Variants in ZEB2 observed in about 807,000 individuals in gnomAD.
ZEB2 encodes zinc finger E-box-binding homeobox 2.
Under a neutral mutation model 99.9 loss-of-function variants are expected in ZEB2, and 6 were observed. The observed-to-expected ratio is 0.06, with a 90% CI of 0.03 to 0.12. The LOEUF is 0.12. Among genes scored for constraint, ZEB2 ranks in the 10% least tolerant of loss-of-function variants. ZEB2 has a pLI of 1.00. For missense variants in ZEB2, 969 were observed against 1,502.8 expected, an observed-to-expected ratio of 0.64 and a Z score of 5.87; for synonymous variants, 517 against 542.5, an observed-to-expected ratio of 0.95 and a Z score of 0.65.
At chr2:144,506,172 T>G (rs1429648004) in intron 2 of ZEB2, among the ~76,000 whole-genome samples, 2 of 152,190 alleles carry the variant, frequency 1.3e-5, no homozygotes, top group African/African-American at 4.8e-5. Flanking sequence ...AACAAGAATC[T>G]ACATTAATTC....
At position 144,399,037 on chromosome 2, in the gene ZEB2, G is replaced by C. The variant is rs1703270237; in HGVS notation, c.2150C>G (p.Pro717Arg). 1 of 1,614,112 alleles carries C rather than the reference G, an allele frequency of 6.2e-7. No homozygotes were observed. Among genetic ancestry groups the C allele is most frequent in the Admixed American group, 1.7e-5 (1 of 60,020 alleles). ...SLERSSKPLA[P>R]NSNPPTKDSL... The stretch of plus-strand genomic sequence containing the variant: ...GTCTTTTGTGGGAGGGTTACTGTTG[G>C]GAGCTAACGGCTTGGAGCTTCTTTC... The change falls in exon 8 of 10, where the codon CCC becomes CGC. Residue 717 changes from proline to arginine, a missense_variant. Around this residue, in one of 8 missense-constraint regions of ZEB2, gnomAD observed 346 missense variants for 460.0 expected, o/e 0.75. Coordinates refer to ENST00000627532, the MANE Select transcript of ZEB2 (RefSeq NM_014795.4). This position sits in a 1 kb window ranked among gnomAD's most constrained non-coding sequence, Gnocchi z 5.6.
chr2:144,442,959 G>C (rs551250269), intron 2 of ZEB2, among the ~76,000 whole-genome samples: 239 of 152,114 alleles, frequency 1.6e-3, no homozygotes, highest in African/African-American at 5.5e-3. Flanking sequence ...ACTTTTCAAA[G>C]AGTAAAATTT....
At chr2:144,416,499 T>C (rs1703542039) in intron 4 of ZEB2, among the ~76,000 whole-genome samples, 1 of 152,238 alleles carries the variant, frequency 6.6e-6, no homozygotes, top group Non-Finnish European at 1.5e-5. Context: ...ATTCCCTTAC[T>C]GCTGACTGAT....
intron 2 of ZEB2, among the ~76,000 whole-genome samples, chr2:144,476,820 G>C (rs1395461091): frequency 6.6e-6 from 1 of 152,142 alleles, no homozygotes; most frequent in African/African-American, 2.4e-5. Context: ...GAATGGGCAG[G>C]CATGGGGGTT....
chr2:144,517,533 A>G, intron 1 of ZEB2, 114 bp from the exon 2 acceptor site: 1 of 597,428 alleles, frequency 1.7e-6, no homozygotes, highest in South Asian at 1.5e-5. Context: ...GCGCCCCCCA[A>G]CGCCAAAGCG....
chr2:144,423,144 T>C (rs181166778), intron 4 of ZEB2, among the ~76,000 whole-genome samples: 5 of 152,352 alleles, frequency 3.3e-5, no homozygotes, highest in Admixed American at 3.3e-4. Context: ...TTTTTAAACC[T>C]TCTGAATAGA....
rs1177694396 is a variant in ZEB2, at chr2:144,520,107, G to T, written c.-238C>A. ...GAGGCAGGACCGTTATTCCTGCAGA[G>T]CAGGTTAGAACTGATCTCTTTCGGC... On this transcript the variant is annotated 5_prime_UTR_variant, in exon 1 of 10. Transcript: ENST00000627532. The T allele has an allele frequency of 2.2e-6, 1 of 454,540 alleles. No individual in the cohort carries two copies. The highest frequency in any genetic ancestry group is 1.6e-5 in the South Asian group (1 of 64,476). 28.2% of individuals were successfully genotyped at this position (454,540 alleles called of 1,614,324 possible). A position where few individuals can be genotyped will look rare whatever the true frequency, so the allele number is the denominator to read the frequency against.
At chr2:144,407,936 C>A (rs1703410206) in intron 4 of ZEB2, among the ~76,000 whole-genome samples, 1 of 152,078 alleles carries the variant, frequency 6.6e-6, no homozygotes, top group South Asian at 2.1e-4. Flanking sequence ...TGAATGTTTC[C>A]ATCAGAAATG....
At chr2:144,508,738 G>A (rs996866837) in intron 2 of ZEB2, among the ~76,000 whole-genome samples, 4 of 151,886 alleles carry the variant, frequency 2.6e-5, no homozygotes, top group Non-Finnish European at 5.9e-5. Context: ...GAAAAGATGC[G>A]AAGGCTGAGA....
intron 2 of ZEB2, among the ~76,000 whole-genome samples, chr2:144,492,604 C>T (rs980869787): frequency 2.0e-5 from 3 of 152,184 alleles, no homozygotes; most frequent in South Asian, 2.1e-4. Flanking sequence ...TACACTCTTC[C>T]GAGCACCCAC....
intron 9 of ZEB2, among the ~76,000 whole-genome samples, chr2:144,392,445 G>A (rs1354479506): frequency 6.6e-6 from 1 of 152,174 alleles, no homozygotes; most frequent in African/African-American, 2.4e-5. Context: ...GATATGCCTT[G>A]GTTATAGACA....
chr2:144,440,376 G>A (rs1296165021), intron 2 of ZEB2, among the ~76,000 whole-genome samples: 2 of 151,812 alleles, frequency 1.3e-5, no homozygotes, highest in African/African-American at 4.8e-5. Flanking sequence ...CTCAAAGGCA[G>A]TGGAGAAATT....
At chr2:144,457,859 C>A (rs1296651275) in intron 2 of ZEB2, among the ~76,000 whole-genome samples, 1 of 152,082 alleles carries the variant, frequency 6.6e-6, no homozygotes, top group Non-Finnish European at 1.5e-5. Context: ...CTAAATAACT[C>A]ACATAAGTAC....
At chr2:144,445,265 CTTTTT>C (rs11287771) in intron 2 of ZEB2, among the ~76,000 whole-genome samples, 111 of 74,210 alleles carry the variant, frequency 1.5e-3, no homozygotes, top group Non-Finnish European at 2.6e-3. Flanking sequence ...CTTTCCTCCT[CTTTTT>C]TTTTTTTTTT....
chr2:144,411,058 T>C (rs1202827021), intron 4 of ZEB2, among the ~76,000 whole-genome samples: 1 of 8,290 alleles, frequency 1.2e-4, no homozygotes, highest in African/African-American at 5.9e-4. Context: ...CAGACATGTC[T>C]ATATATATAT....
chr2:144,403,243 C>CA (rs1304850484), intron 6 of ZEB2, among the ~76,000 whole-genome samples: 1 of 152,074 alleles, frequency 6.6e-6, no homozygotes, highest in Non-Finnish European at 1.5e-5. Flanking sequence ...CTGTTGAAGA[C>CA]AGAGTTTTTA....
chr2:144,403,322 G>T (rs1462449997), intron 6 of ZEB2, among the ~76,000 whole-genome samples: 1 of 151,890 alleles, frequency 6.6e-6, no homozygotes, highest in Non-Finnish European at 1.5e-5. Context: ...GTATATTAAG[G>T]GATCATTTTT....
intron 2 of ZEB2, chr2:144,515,952 T>G (rs1705129563): frequency 6.6e-6 from 1 of 151,818 alleles, no homozygotes; most frequent in South Asian, 2.1e-4. Context: ...CGCGCACAAT[T>G]GTCTTCTCTA....
At chr2:144,498,959 T>C (rs1704830085) in intron 2 of ZEB2, among the ~76,000 whole-genome samples, 1 of 152,202 alleles carries the variant, frequency 6.6e-6, no homozygotes, top group African/African-American at 2.4e-5. Context: ...ACAGTATTTC[T>C]TATTTTTCAC....
Sources: gnomAD v4.1 joint callset for allele counts (sites outside exome capture counted in the v4.1 genomes callset) on GRCh38, gnomAD v4.1.1 for gene constraint, gnomAD v4.1.1 regional missense constraint, Gnocchi (gnomAD v3.1) non-coding constraint, MANE v1.5 for transcripts, NCBI Gene and HGNC (gene_info 2026-07-23, HGNC 2026-07-21) for gene names.